NAALAD2: variants seen among roughly 807,000 people sequenced by gnomAD.
NAALAD2 encodes the protein N-acetylated alpha-linked acidic dipeptidase 2, also known as N-acetylated-alpha-linked acidic dipeptidase 2.
Under a neutral mutation model 95.6 loss-of-function variants are expected in NAALAD2, and 89 were observed. The ratio of observed to expected loss-of-function variants is 0.93; its 90% CI spans 0.78 to 1.11. The LOEUF is 1.11. Ranked by LOEUF, NAALAD2 falls within the 50% of genes least tolerant of loss-of-function variation. The pLI is 0.00. For synonymous variants in NAALAD2, 264 were observed against 294.4 expected, an observed-to-expected ratio of 0.90 and a Z score of 1.06; for missense variants, 894 against 872.4, an observed-to-expected ratio of 1.02 and a Z score of -0.31.
rs1736181701 is a variant in NAALAD2, at chr11:90,159,303, A to G, written c.955A>G (p.Ile319Val). 1 of 1,613,838 alleles carries G rather than the reference A, an allele frequency of 6.2e-7. No homozygotes were observed. The highest frequency in any genetic ancestry group is 8.5e-7 in the Non-Finnish European group (1 of 1,179,846). The change falls in exon 8 of 19, where the codon ATC becomes GTC. Residue 319 changes from isoleucine (I) to valine (V), a missense_variant. Transcript: ENST00000534061. ...WKGALNVSYS[I>V]GPGFTGSDSF... Reference sequence around the variant, plus strand: ...GGGAGCCCTTAATGTGAGTTATAGTATCGGACCTGGCTTTACAGGGAGTGA... The same window carrying G: ...GGGAGCCCTTAATGTGAGTTATAGTGTCGGACCTGGCTTTACAGGGAGTGA...
chr11:90,143,898 A>G (rs1268952894), intron 2 of NAALAD2, among the ~76,000 whole-genome samples: 1 of 152,220 alleles, frequency 6.6e-6, no homozygotes, highest in Non-Finnish European at 1.5e-5. Flanking sequence ...TGTGCTGTTG[A>G]TGAGATCACA....
intron 2 of NAALAD2, among the ~76,000 whole-genome samples, chr11:90,142,122 G>T (rs1951634716): frequency 6.6e-6 from 1 of 152,042 alleles, no homozygotes; most frequent in South Asian, 2.1e-4. Flanking sequence ...AATGGGTGTT[G>T]AATTTTGTCA....
intron 18 of NAALAD2, among the ~76,000 whole-genome samples, chr11:90,190,963 G>A (rs1857306169): frequency 1.3e-5 from 2 of 152,108 alleles, no homozygotes; most frequent in Non-Finnish European, 1.5e-5. Context: ...AGCTACTTAT[G>A]TTGAAGTAGA....
rs1951774595 is a variant in NAALAD2 at position 90,147,485 on chromosome 11, A to C, written c.350A>C (p.Tyr117Ser). 2.5e-6 allele frequency: 4 copies of C among 1,611,362 alleles called. No individual in the cohort carries two copies. Among genetic ancestry groups the C allele is most frequent in the Non-Finnish European group, 3.4e-6 (4 of 1,178,998 alleles). ...TACCCCAATGAGACAAATGCCAACTATATATCGATTGTGGATGAACATGAA... is the reference window on the plus strand; with the variant it reads ...TACCCCAATGAGACAAATGCCAACTCTATATCGATTGTGGATGAACATGAA... ...LSYPNETNAN[Y>S]ISIVDEHETE... is the part of the protein sequence containing the mutation. The change falls in exon 3 of 19, where the codon TAT (tyrosine) becomes TCT (serine). Residue 117 changes from tyrosine to serine, a missense_variant. Coordinates refer to ENST00000534061, the MANE Select transcript of NAALAD2 (RefSeq NM_005467.4).
At chr11:90,140,310 G>A (rs761717934) in intron 2 of NAALAD2, among the ~76,000 whole-genome samples, 16 of 152,012 alleles carry the variant, frequency 1.1e-4, no homozygotes, top group Non-Finnish European at 2.2e-4. Flanking sequence ...TCTCTAGACT[G>A]CAAATGGCAC....
intron 17 of NAALAD2, 44 bp downstream of exon 17, chr11:90,181,745 A>C: frequency 1.9e-5 from 23 of 1,200,908 alleles, no homozygotes; most frequent in Non-Finnish European, 2.6e-5. Context: ...AAAAAAAAGC[A>C]ATCTGGTTAC....
At chr11:90,158,290 AT>A in intron 7 of NAALAD2, 52 bp downstream of exon 7, 1 of 1,349,246 alleles carries the variant, frequency 7.4e-7, no homozygotes, top group Non-Finnish European at 1.1e-6. Context: ...CTAGTTGTCT[AT>A]TTTCTCATTG....
chr11:90,181,798 C>A (rs905521151), intron 17 of NAALAD2, 97 bp downstream of exon 17: 3 of 753,470 alleles, frequency 4.0e-6, no homozygotes, highest in South Asian at 1.9e-5. Context: ...ACCTCTAAAT[C>A]ACTACTATTC....
chr11:90,159,285 C>A lies in NAALAD2; in HGVS notation c.937C>A (p.Leu313Ile), dbSNP rs1318512232. The A allele has an allele frequency of 6.2e-7, 1 of 1,613,818 alleles. No homozygotes were observed. Among genetic ancestry groups the A allele is most frequent in the South Asian group, 1.1e-5 (1 of 91,082 alleles). The change falls in exon 8 of 19, where the codon CTT becomes ATT. Residue 313 changes from leucine (L) to isoleucine (I), a missense_variant. Coordinates refer to ENST00000534061, the MANE Select transcript of NAALAD2 (RefSeq NM_005467.4). ...APPDKSWKGA[L>I]NVSYSIGPGF... Reference sequence around the variant, plus strand: ...ACCAGATAAGAGTTGGAAGGGAGCCCTTAATGTGAGTTATAGTATCGGACC... The same window carrying A: ...ACCAGATAAGAGTTGGAAGGGAGCCATTAATGTGAGTTATAGTATCGGACC...
chr11:90,143,638 A>G (rs2134840760), intron 2 of NAALAD2, among the ~76,000 whole-genome samples: 1 of 152,168 alleles, frequency 6.6e-6, no homozygotes, highest in South Asian at 2.1e-4. Flanking sequence ...TTTCTGTACC[A>G]TTCTTTCTCC....
intron 18 of NAALAD2, among the ~76,000 whole-genome samples, chr11:90,190,955 C>T (rs940205308): frequency 6.6e-6 from 1 of 152,088 alleles, no homozygotes; most frequent in Non-Finnish European, 1.5e-5. Context: ...ATCCCTTGAG[C>T]TACTTATGTT....
At chr11:90,153,662 A>G (rs1951948548) in intron 6 of NAALAD2, among the ~76,000 whole-genome samples, 1 of 152,078 alleles carries the variant, frequency 6.6e-6, no homozygotes, top group African/African-American at 2.4e-5. Context: ...TATTTGGGAG[A>G]ATTGAATTAA....
chr11:90,187,389 CTAT>C (rs561522975), intron 18 of NAALAD2, among the ~76,000 whole-genome samples: 22 of 152,018 alleles, frequency 1.4e-4, no homozygotes, highest in African/African-American at 4.8e-4. Context: ...GCACTTTGAA[CTAT>C]TAGCTGAATG....
chr11:90,187,540 A>G (rs1036295534), intron 18 of NAALAD2, among the ~76,000 whole-genome samples: 9 of 150,940 alleles, frequency 6.0e-5, no homozygotes, highest in Non-Finnish European at 1.2e-4. Flanking sequence ...CACTTTTTCC[A>G]ATAACTGCTA....
chr11:90,158,972 G>C, intron 7 of NAALAD2: 1 of 364,006 alleles, frequency 2.7e-6, no homozygotes, highest in Non-Finnish European at 5.0e-6. Context: ...CAAAAATAAG[G>C]AGATAGCCTT....
At chr11:90,171,374 C>G (rs913495800) in intron 13 of NAALAD2, among the ~76,000 whole-genome samples, 5 of 152,160 alleles carry the variant, frequency 3.3e-5, no homozygotes, top group Non-Finnish European at 5.9e-5. Context: ...TTTTCCTCAT[C>G]ACAATGCTCT....
At chr11:90,147,629 C>T (rs1307719418) in intron 3 of NAALAD2, 113 bp downstream of exon 3, 3 of 954,090 alleles carry the variant, frequency 3.1e-6, no homozygotes, top group Non-Finnish European at 4.6e-6. Context: ...ATTCAGTATC[C>T]ACTATGTGTT....
At chr11:90,171,570 T>C (rs1411879455) in intron 13 of NAALAD2, among the ~76,000 whole-genome samples, 3 of 152,204 alleles carry the variant, frequency 2.0e-5, no homozygotes, top group Non-Finnish European at 4.4e-5. Context: ...AAGAATTTGG[T>C]GGTTGATAAG....
intron 16 of NAALAD2, among the ~76,000 whole-genome samples, chr11:90,179,791 G>T (rs1273859384): frequency 2.6e-5 from 4 of 152,172 alleles, no homozygotes; most frequent in Non-Finnish European, 5.9e-5. Flanking sequence ...AGTTAGAGTG[G>T]AAGGGCTCTC....
Sources: gnomAD v4.1 joint callset for allele counts (sites outside exome capture counted in the v4.1 genomes callset) on GRCh38, gnomAD v4.1.1 for gene constraint, MANE v1.5 for transcripts, NCBI Gene and HGNC (gene_info 2026-07-23, HGNC 2026-07-21) for gene names.